NELL1: variants seen among roughly 807,000 people sequenced by gnomAD.
NELL1 encodes protein kinase C-binding protein NELL1.
NELL1 carries 76 observed loss-of-function variants against 107.4 expected under a neutral mutation model. The observed-to-expected ratio is 0.71, with a 90% confidence interval of 0.59 to 0.86. The LOEUF is 0.86. NELL1 is among the 40% of genes least tolerant of loss of function. NELL1 has a pLI of 0.00. For synonymous variants in NELL1, 353 were observed against 341.2 expected (o/e 1.03, Z -0.38); for missense variants, 1,024 against 1,005.5 (o/e 1.02, Z -0.25).
At chr11:21,138,397 T>A (rs1855791588) in intron 13 of NELL1, among the ~76,000 whole-genome samples, 1 of 152,204 alleles carries the variant, frequency 6.6e-6, no homozygotes, top group Non-Finnish European at 1.5e-5. Context: ...AGAGATATGC[T>A]TTCTGTGCCA....
chr11:21,165,155 G>T (rs1165420767), intron 13 of NELL1, among the ~76,000 whole-genome samples: 1 of 152,178 alleles, frequency 6.6e-6, no homozygotes, highest in African/African-American at 2.4e-5. Context: ...ATTCGCAGAG[G>T]AAGCTGACAC....
At chr11:20,945,734 T>G (rs1232366202) in intron 10 of NELL1, among the ~76,000 whole-genome samples, 3 of 152,190 alleles carry the variant, frequency 2.0e-5, no homozygotes, top group Non-Finnish European at 4.4e-5. Flanking sequence ...TTGTAGAAAG[T>G]AAGGCACATC....
intron 15 of NELL1, among the ~76,000 whole-genome samples, chr11:21,427,416 G>T (rs1015424768): frequency 6.6e-6 from 1 of 152,164 alleles, no homozygotes; most frequent in Admixed American, 6.6e-5. Context: ...CAATAATCCA[G>T]ATTTTTTACA....
At chr11:21,558,385 TAATC>T (rs913444707) in intron 16 of NELL1, among the ~76,000 whole-genome samples, 2 of 150,146 alleles carry the variant, frequency 1.3e-5, no homozygotes, top group Non-Finnish European at 2.9e-5. Flanking sequence ...AATGGCTAAA[TAATC>T]AAGCTACATA....
At chr11:21,286,212 C>G (rs1270336078) in intron 14 of NELL1, among the ~76,000 whole-genome samples, 2 of 152,188 alleles carry the variant, frequency 1.3e-5, no homozygotes, top group East Asian at 3.9e-4. Flanking sequence ...ATTTGGACAA[C>G]TGAAAGCTAG....
intron 16 of NELL1, among the ~76,000 whole-genome samples, chr11:21,542,500 T>C (rs893702957): frequency 6.6e-6 from 1 of 152,058 alleles, no homozygotes; most frequent in Non-Finnish European, 1.5e-5. Flanking sequence ...CTTATTTTAT[T>C]CACTGGACTC....
At chr11:21,016,715 A>G (rs1852573821) in intron 12 of NELL1, among the ~76,000 whole-genome samples, 2 of 151,976 alleles carry the variant, frequency 1.3e-5, no homozygotes, top group Non-Finnish European at 2.9e-5. Context: ...CCACCTGTAT[A>G]TTGATCATTT....
intron 13 of NELL1, among the ~76,000 whole-genome samples, chr11:21,118,168 G>GA (rs1275953483): frequency 2.6e-5 from 4 of 151,974 alleles, no homozygotes; most frequent in African/African-American, 7.2e-5. Context: ...AAAATACAAT[G>GA]AAAAATGGCC....
chr11:21,449,710 G>C (rs1358656704), intron 15 of NELL1, among the ~76,000 whole-genome samples: 3 of 152,118 alleles, frequency 2.0e-5, no homozygotes, highest in Non-Finnish European at 4.4e-5. Flanking sequence ...GATTCATTTT[G>C]AGTTCATTTT....
chr11:20,855,871 AAAAAAC>A (rs1200966482), intron 4 of NELL1, among the ~76,000 whole-genome samples: 25 of 152,210 alleles, frequency 1.6e-4, no homozygotes, highest in African/African-American at 4.1e-4. Context: ...TTTTTAATTG[AAAAAAC>A]AAAAACAAAA....
chr11:20,804,064 C>CTT (rs1857333043), intron 3 of NELL1, among the ~76,000 whole-genome samples: 1 of 149,442 alleles, frequency 6.7e-6, no homozygotes, highest in South Asian at 2.1e-4. Context: ...ATTTAATAAA[C>CTT]ATATATATAT....
intron 13 of NELL1, among the ~76,000 whole-genome samples, chr11:21,183,178 A>G (rs79245106): frequency 0.02 from 3,115 of 152,036 alleles, 107 homozygotes; most frequent in East Asian, 0.14. Flanking sequence ...GAATTTTATT[A>G]CCTCAGTATA....
chr11:21,072,372 T>C (rs966626654), intron 12 of NELL1, among the ~76,000 whole-genome samples: 1 of 152,194 alleles, frequency 6.6e-6, no homozygotes, highest in African/African-American at 2.4e-5. Flanking sequence ...GTTCTTTCAC[T>C]ATTATTGTCC....
At chr11:21,267,685 A>G (rs984855966) in intron 14 of NELL1, among the ~76,000 whole-genome samples, 14 of 151,792 alleles carry the variant, frequency 9.2e-5, no homozygotes, top group Admixed American at 5.9e-4. Context: ...CCTCTGCTCT[A>G]GGCTATTTTA....
Position 21,498,333 on chromosome 11 carries a change from T to TTATATATATA in NELL1, c.1646-36036_1646-36027dup, listed in dbSNP as rs34418018. Among the ~76,000 whole-genome samples, 284 of 113,696 alleles carry TTATATATATA rather than the reference T, an allele frequency of 2.5e-3. 7 individuals carry two copies. In the East Asian group the frequency reaches 0.033, roughly 13 times the overall value. The allele number at this position is 113,696 out of a possible 152,430, so 74.6% of individuals were successfully genotyped here. A position where few individuals can be genotyped will look rare whatever the true frequency, so the allele number is the denominator to read the frequency against. On this transcript the variant is annotated intron_variant, in intron 15 of 19. Coordinates refer to ENST00000357134, the MANE Select transcript of NELL1 (RefSeq NM_006157.5). Reference sequence around the variant, plus strand: ...ATTTTGCTACACATCCATAAACATATTATATATATATATACATATATATAT... The same window carrying TTATATATATA: ...ATTTTGCTACACATCCATAAACATATTATATATATATATATATATATATACATATATATAT...
rs149020238 is a variant in NELL1 at position 21,521,399 on chromosome 11, A to G, written c.1646-12975A>G. 3.2e-3 allele frequency among the ~76,000 whole-genome samples: 482 copies of G among 152,260 alleles called. 4 individuals carry two copies. Among genetic ancestry groups the G allele is most frequent in the African/African-American group, 0.011 (453 of 41,566 alleles). On this transcript the variant is annotated intron_variant, in intron 15 of 19. Transcript: ENST00000357134. ...TTTTGAATTTTGGGGGGATTGTTTT[A>G]TGAACAAGGATTTTTTCCATCTTGG...
intron 15 of NELL1, among the ~76,000 whole-genome samples, chr11:21,514,937 G>A (rs1855521037): frequency 6.6e-6 from 1 of 152,148 alleles, no homozygotes; most frequent in Non-Finnish European, 1.5e-5. Context: ...GATACTAATG[G>A]TCACAGCGAT....
chr11:21,561,899 T>C (rs892785838), intron 17 of NELL1, among the ~76,000 whole-genome samples: 1 of 152,052 alleles, frequency 6.6e-6, no homozygotes, highest in African/African-American at 2.4e-5. Flanking sequence ...TCATTGTGGG[T>C]TAGAATATTT....
chr11:20,827,053 A>G (rs1420354367), intron 3 of NELL1, among the ~76,000 whole-genome samples: 2 of 151,264 alleles, frequency 1.3e-5, no homozygotes, highest in African/African-American at 4.8e-5. Flanking sequence ...TTGCCAAGAC[A>G]CAGCCCTGGT....
Sources: gnomAD v4.1 joint callset for allele counts (sites outside exome capture counted in the v4.1 genomes callset) on GRCh38, gnomAD v4.1.1 for gene constraint, MANE v1.5 for transcripts, NCBI Gene and HGNC (gene_info 2026-07-23, HGNC 2026-07-21) for gene names.